SPATA6: variants seen among roughly 807,000 people sequenced by gnomAD.
The protein encoded by SPATA6 is spermatogenesis associated 6, also known as spermatogenesis-associated protein 6.
A neutral mutation model predicts 65.3 loss-of-function variants in SPATA6; 56 were observed. The ratio of observed to expected loss-of-function variants is 0.86; its 90% CI spans 0.69 to 1.07. SPATA6 has a LOEUF of 1.07. SPATA6 is among the 50% of genes least tolerant of loss of function. The pLI is 0.00. For missense variants in SPATA6, 590 were observed against 594.8 expected (o/e 0.99, Z 0.08); for synonymous variants, 199 against 213.2 (o/e 0.93, Z 0.58).
chr1:48,456,151 T>C (rs184420370), intron 1 of SPATA6, among the ~76,000 whole-genome samples: 1 of 152,276 alleles, frequency 6.6e-6, no homozygotes, highest in African/African-American at 2.4e-5. Context: ...GAGTTGCAAA[T>C]GGCACCAGGG....
chr1:48,435,814 G>A (rs552034033), intron 3 of SPATA6, among the ~76,000 whole-genome samples: 16 of 152,280 alleles, frequency 1.1e-4, no homozygotes, highest in Middle Eastern at 3.4e-3. Flanking sequence ...TCTGGCGCCC[G>A]CCCCTGTCCG....
chr1:48,279,429 GC>G, the SPATA6 span, among the ~76,000 whole-genome samples: 1 of 152,170 alleles, frequency 6.6e-6, no homozygotes, highest in Non-Finnish European at 1.5e-5. Flanking sequence ...GCTGTATTCA[GC>G]AAACCCATCT....
chr1:48,263,441 A>G, the SPATA6 span, among the ~76,000 whole-genome samples: 1 of 152,076 alleles, frequency 6.6e-6, no homozygotes, highest in Non-Finnish European at 1.5e-5. Flanking sequence ...TTTATTGTCA[A>G]TACCCACCGA....
intron 11 of SPATA6, among the ~76,000 whole-genome samples, chr1:48,335,402 A>G (rs1453461664): frequency 6.6e-6 from 1 of 152,140 alleles, no homozygotes; most frequent in Non-Finnish European, 1.5e-5. Flanking sequence ...CTACAAGGCT[A>G]GAGTAACCAA....
At chr1:48,429,887 G>A (rs1368403572) in intron 3 of SPATA6, among the ~76,000 whole-genome samples, 1 of 152,114 alleles carries the variant, frequency 6.6e-6, no homozygotes, top group African/African-American at 2.4e-5. Flanking sequence ...ATTTCCCCAG[G>A]AAGAAGAATG....
intron 1 of SPATA6, among the ~76,000 whole-genome samples, chr1:48,467,872 T>C (rs890047212): frequency 2.0e-5 from 3 of 152,098 alleles, no homozygotes; most frequent in African/African-American, 7.2e-5. Context: ...ACGACTACTA[T>C]AATAAATTCA....
At chr1:48,292,854 G>A (rs1034361923), downstream of SPATA6, among the ~76,000 whole-genome samples, 1 of 152,244 alleles carries the variant, frequency 6.6e-6, no homozygotes, top group Non-Finnish European at 1.5e-5. Flanking sequence ...CCAACTGCAG[G>A]CATGCATGCA....
chr1:48,322,350 A>G (rs983659477), intron 11 of SPATA6, among the ~76,000 whole-genome samples: 1 of 152,208 alleles, frequency 6.6e-6, no homozygotes, highest in Non-Finnish European at 1.5e-5. Flanking sequence ...TGGGGCTGGG[A>G]AAACTGGCTA....
chr1:48,400,888 C>T (rs1651099897), intron 6 of SPATA6: 2 of 1,178,046 alleles, frequency 1.7e-6, no homozygotes, highest in African/African-American at 3.2e-5. Context: ...CTACCATATC[C>T]ATTTCACCCA....
At chr1:48,267,437 G>A in the SPATA6 span, among the ~76,000 whole-genome samples, 10 of 152,184 alleles carry the variant, frequency 6.6e-5, no homozygotes, top group Non-Finnish European at 1.3e-4. Flanking sequence ...CGAATCACAC[G>A]TGGGCTTGGA....
At chr1:48,406,711 T>A (rs748509935) in intron 5 of SPATA6, among the ~76,000 whole-genome samples, 6 of 152,186 alleles carry the variant, frequency 3.9e-5, no homozygotes, top group Non-Finnish European at 8.8e-5. Flanking sequence ...TTCACAGCTA[T>A]CATCATATCA....
At chr1:48,330,258 T>C (rs1353878115) in intron 11 of SPATA6, among the ~76,000 whole-genome samples, 1 of 152,156 alleles carries the variant, frequency 6.6e-6, no homozygotes, top group East Asian at 1.9e-4. Context: ...TGTAGCCTCC[T>C]GTTGTCACAT....
chr1:48,452,383 T>C (rs2148156219), intron 2 of SPATA6, among the ~76,000 whole-genome samples: 2 of 145,170 alleles, frequency 1.4e-5, no homozygotes, highest in South Asian at 4.4e-4. Context: ...AAATATCATA[T>C]ATTCTTTTTT....
intron 11 of SPATA6, chr1:48,355,361 A>G (rs1557602805): frequency 1.0e-5 from 2 of 195,982 alleles, no homozygotes; most frequent in African/African-American, 2.3e-5. Context: ...CCACAAAACA[A>G]GAGTTCTCAT....
chr1:48,371,270 T>TATAGATAGATAGATAGATAG (rs59198017), intron 9 of SPATA6, among the ~76,000 whole-genome samples: 7 of 131,600 alleles, frequency 5.3e-5, no homozygotes, highest in Non-Finnish European at 8.6e-5. Flanking sequence ...TATGTATCTA[T>TATAGATAGATAGATAGATAG]ATAGATAGAT....
chr1:48,361,030 C>G (rs1481217137), intron 9 of SPATA6, among the ~76,000 whole-genome samples: 1 of 152,112 alleles, frequency 6.6e-6, no homozygotes, highest in Non-Finnish European at 1.5e-5. Flanking sequence ...CTTCACATAT[C>G]TATTAATCTA....
rs777922556 is a variant in SPATA6 at position 48,453,929 on chromosome 1, C to T, written c.52-798G>A. On this transcript the variant is annotated intron_variant, in intron 1 of 12. Coordinates refer to ENST00000371847, the MANE Select transcript of SPATA6 (RefSeq NM_019073.4). ...AGAAACACAATTGGTCATAATTAACCAAAAGCTGCAGTTTTAGGGGGAAAA... is the reference window on the plus strand; with the variant it reads ...AGAAACACAATTGGTCATAATTAACTAAAAGCTGCAGTTTTAGGGGGAAAA... 2.0e-4 allele frequency among the ~76,000 whole-genome samples: 30 copies of T among 149,118 alleles called. 1 individual carries two copies. The highest frequency in any genetic ancestry group is 1.3e-4 in the Admixed American group (2 of 15,000).
chr1:48,444,844 C>G (rs1655864667), intron 3 of SPATA6, among the ~76,000 whole-genome samples: 2 of 152,180 alleles, frequency 1.3e-5, no homozygotes, highest in South Asian at 4.1e-4. Flanking sequence ...CAGAAGAAAC[C>G]AACTCCAGAC....
In SPATA6 at chr1:48,453,121, G is replaced by A; in HGVS notation, c.62C>T (p.Pro21Leu). 6.2e-7 allele frequency: 1 copy of A among 1,609,342 alleles called. No individual in the cohort carries two copies. ...LALEISSVTCPGVVLKDKEDI... is the reference protein window; with the variant it reads ...LALEISSVTCLGVVLKDKEDI... Reference sequence around the variant, plus strand: ...CTCTTTGTCTTTAAGCACGACTCCTGGGCAAGTTACCTGAAAGAAATTAGA... The same window carrying A: ...CTCTTTGTCTTTAAGCACGACTCCTAGGCAAGTTACCTGAAAGAAATTAGA... Residue 21 changes from proline to leucine, a missense_variant, in exon 2 of 13, where the codon CCA becomes CTA. By Grantham distance (98) the Pro-to-Leu change is moderately conservative. Coordinates refer to ENST00000371847, the MANE Select transcript of SPATA6 (RefSeq NM_019073.4).
Sources: gnomAD v4.1 joint callset for allele counts (sites outside exome capture counted in the v4.1 genomes callset) on GRCh38, gnomAD v4.1.1 for gene constraint, MANE v1.5 for transcripts, NCBI Gene and HGNC (gene_info 2026-07-23, HGNC 2026-07-21) for gene names.